RASGRP4: variants seen among roughly 807,000 people sequenced by gnomAD.
RASGRP4 encodes the protein RAS guanyl-releasing protein 4.
In RASGRP4, 52 loss-of-function variants were observed where a neutral mutation model predicts 84.4. The ratio of observed to expected loss-of-function variants is 0.62; its 90% CI spans 0.49 to 0.78. RASGRP4 has a LOEUF of 0.78. Ranked by LOEUF, RASGRP4 falls within the 30% of genes least tolerant of loss-of-function variation. RASGRP4 has a pLI of 0.00. For missense variants in RASGRP4, 760 were observed against 886.9 expected (o/e 0.86, Z 1.82); for synonymous variants, 356 against 359.1 (o/e 0.99, Z 0.10).
chr19:38,410,817 C>T, intron 16 of RASGRP4, 69 bp downstream of exon 16: 6 of 1,142,858 alleles, frequency 5.2e-6, no homozygotes, highest in Non-Finnish European at 7.7e-6. Context: ...CCAAATCTGT[C>T]CAGTCTTCCC....
At chr19:38,419,127 A>C (rs1011247980) in intron 6 of RASGRP4, among the ~76,000 whole-genome samples, 1 of 152,202 alleles carries the variant, frequency 6.6e-6, no homozygotes, top group African/African-American at 2.4e-5. Context: ...AAGGAAACAG[A>C]TCCCCACCTT....
At chr19:38,424,445 G>T (rs1014537095) in intron 1 of RASGRP4, among the ~76,000 whole-genome samples, 1 of 151,820 alleles carries the variant, frequency 6.6e-6, no homozygotes, top group Non-Finnish European at 1.5e-5. Flanking sequence ...TTTCAGACAG[G>T]GTCTTGCTCT....
chr19:38,421,898 C>A, intron 2 of RASGRP4, 71 bp downstream of exon 2: 1 of 1,378,310 alleles, frequency 7.3e-7, no homozygotes. Flanking sequence ...CCTCCAAAAA[C>A]TGAGGTGGAG....
Position 38,409,993 on chromosome 19 carries a change from G to T in RASGRP4, c.*47C>A. On this transcript the variant is annotated 3_prime_UTR_variant, in exon 17 of 17. Coordinates refer to ENST00000615439, the MANE Select transcript of RASGRP4 (RefSeq NM_170604.3). ...GCCAGAGTCTGACGGCAGGACTCAG[G>T]ACTGACTGGGGGAAGGGAGTGAGGA... is the stretch of plus-strand genomic sequence containing the variant. 1 of 1,537,642 alleles carries T rather than the reference G, an allele frequency of 6.5e-7. No homozygotes were observed. Among genetic ancestry groups the T allele is most frequent in the South Asian group, 1.2e-5 (1 of 86,512 alleles).
At position 38,412,791 on chromosome 19, in the gene RASGRP4, G is replaced by C. The variant is rs1420168515; in HGVS notation, c.1561C>G (p.Leu521Val). The change falls in exon 13 of 17, where the codon CTG becomes GTG. Residue 521 changes from leucine (L) to valine (V), a missense_variant. Leu to Val is a conservative substitution (Grantham distance 32). Transcript: ENST00000615439. The surrounding 1 kb of genome is among the most constrained non-coding windows in gnomAD (Gnocchi z 4.6). ...CTGGCCCGGAGCAGGTACCCTGTCAGCTCCTCTCTGCTGAAGGATCCTCTC... is the reference window on the plus strand; with the variant it reads ...CTGGCCCGGAGCAGGTACCCTGTCACCTCCTCTCTGCTGAAGGATCCTCTC... ...QGRGSFSREE[L>V]TGYLLRASAI... 1 of 1,606,394 alleles carries C rather than the reference G, an allele frequency of 6.2e-7. No individual in the cohort carries two copies. Among genetic ancestry groups the C allele is most frequent in the African/African-American group, 1.3e-5 (1 of 74,750 alleles).
chr19:38,410,929 C>T lies in RASGRP4; in HGVS notation c.1922G>A (p.Trp641Ter). 6.2e-7 allele frequency: 1 copy of T among 1,605,188 alleles called. No individual in the cohort carries two copies. The part of the protein sequence containing the change: ...PETGCQLRHA[W>*]TQTESPHPSW... Reference sequence around the variant, plus strand: ...AGGGTGTGGGGATTCAGTCTGGGTCCAGGCATGGCGAAGCTGGCACCCAGT... The same window carrying T: ...AGGGTGTGGGGATTCAGTCTGGGTCTAGGCATGGCGAAGCTGGCACCCAGT... The change falls in exon 16 of 17, where the codon TGG becomes TAG. Residue 641 changes from tryptophan to a stop codon, truncating the protein, a stop_gained. Coordinates refer to ENST00000615439, the MANE Select transcript of RASGRP4 (RefSeq NM_170604.3). LOFTEE classifies it high-confidence loss of function.
rs748143175 is a variant in RASGRP4 at position 38,412,644 on chromosome 19, A to C, written c.1680+28T>G. On this transcript the variant is annotated intron_variant, in intron 13 of 16. Coordinates refer to ENST00000615439, the MANE Select transcript of RASGRP4 (RefSeq NM_170604.3). The surrounding 1 kb of genome is among the most constrained non-coding windows in gnomAD (Gnocchi z 4.6). ...GCCGGCTTCAGGACAGATGGAACCTAAGGGTGGTGATGGGGTGGGGTGCTC... is the reference window on the plus strand; with the variant it reads ...GCCGGCTTCAGGACAGATGGAACCTCAGGGTGGTGATGGGGTGGGGTGCTC... 3.1e-6 allele frequency: 5 copies of C among 1,606,818 alleles called. No individual in the cohort carries two copies. The highest frequency in any genetic ancestry group is 1.3e-5 in the African/African-American group (1 of 74,824).
intron 1 of RASGRP4, among the ~76,000 whole-genome samples, chr19:38,425,600 G>A (rs1172361147): frequency 6.6e-6 from 1 of 152,184 alleles, no homozygotes; most frequent in Admixed American, 6.5e-5. Context: ...TTCCAGAACC[G>A]GCCGCACAGC....
chr19:38,411,648 C>G (rs1486145032), intron 13 of RASGRP4: 1 of 440,742 alleles, frequency 2.3e-6, no homozygotes, highest in Admixed American at 3.9e-5. Context: ...GAACCATGAT[C>G]GTACCACGGC....
chr19:38,420,731 C>T (rs570845022), intron 4 of RASGRP4, among the ~76,000 whole-genome samples, 177 bp downstream of exon 4: 55 of 151,646 alleles, frequency 3.6e-4, no homozygotes, highest in South Asian at 6.3e-4. Flanking sequence ...TTCTAAGGAA[C>T]GGAACTAAGA....
chr19:38,421,901 A>C, intron 2 of RASGRP4, 68 bp downstream of exon 2: 1 of 1,391,764 alleles, frequency 7.2e-7, no homozygotes, highest in Non-Finnish European at 9.9e-7. Flanking sequence ...CCAAAAACTG[A>C]GGTGGAGAGA....
rs546071343 is a variant in RASGRP4 at position 38,426,099 on chromosome 19, G to A, written c.-8C>T. 16 of 1,331,414 alleles carry A rather than the reference G, an allele frequency of 1.2e-5. No homozygotes were observed. In the Admixed American group the frequency reaches 1.9e-4, roughly 16 times the overall value. The allele number at this position is 1,331,414 out of a possible 1,614,324, so 82.5% of individuals were successfully genotyped here. On this transcript the variant is annotated 5_prime_UTR_variant, in exon 1 of 17. Transcript: ENST00000615439. The stretch of plus-strand genomic sequence containing the variant: ...ACTGTCTTTTCTGTTCATGCTTCCC[G>A]CGTGGGGTGAGGAGGCCGGGGGTCT...
Position 38,418,292 on chromosome 19 carries a change from G to C in RASGRP4, c.837+99C>G. On this transcript the variant is annotated intron_variant, in intron 7 of 16. Coordinates refer to ENST00000615439, the MANE Select transcript of RASGRP4 (RefSeq NM_170604.3). The surrounding 1 kb of genome is among the most constrained non-coding windows in gnomAD (Gnocchi z 4.6). ...GGGGCGGGGCCGGGAGATGCGTGACGTCACCGCCGGGATGACCCTGTGGGG... is the reference window on the plus strand; with the variant it reads ...GGGGCGGGGCCGGGAGATGCGTGACCTCACCGCCGGGATGACCCTGTGGGG... The C allele has an allele frequency of 5.4e-6, 7 of 1,286,638 alleles. No homozygotes were observed. The highest frequency in any genetic ancestry group is 7.6e-6 in the Non-Finnish European group (7 of 923,560). The allele number at this position is 1,286,638 out of a possible 1,614,324, so 79.7% of individuals were successfully genotyped here. A position where few individuals can be genotyped will look rare whatever the true frequency, so the allele number is the denominator to read the frequency against.
Position 38,411,170 on chromosome 19 carries a change from A to G in RASGRP4, c.1797T>C (p.Asp599=). 6.2e-7 allele frequency: 1 copy of G among 1,613,924 alleles called. No individual in the cohort carries two copies. The highest frequency in any genetic ancestry group is 8.5e-7 in the Non-Finnish European group (1 of 1,179,878). ...ECKKRPGAKG[D]AGPPGAPVPS... ...GGACAGGAGCTCCGGGGGGTCCTGCATCGCCCTTGGCCCCTGGCCTCTTCT... is the reference window on the plus strand; with the variant it reads ...GGACAGGAGCTCCGGGGGGTCCTGCGTCGCCCTTGGCCCCTGGCCTCTTCT... The change falls in exon 15 of 17, where the codon GAT becomes GAC. Residue 599 remains aspartate (D), a synonymous_variant. Transcript: ENST00000615439.
chr19:38,423,399 G>A (rs956698595), intron 1 of RASGRP4, among the ~76,000 whole-genome samples: 6 of 151,772 alleles, frequency 4.0e-5, no homozygotes, highest in Admixed American at 6.6e-5. Flanking sequence ...GATGGCGGGC[G>A]CCTGTAATCC....
In RASGRP4 at chr19:38,413,159, G is replaced by A; in HGVS notation, c.1416+34C>T. ...GGTTCTACAGATGTCTTCCCTCCTG[G>A]CTGCTGGCGGCCGGGCCACCCTCCC... On this transcript the variant is annotated intron_variant, in intron 11 of 16. Transcript: ENST00000615439. This position sits in a 1 kb window ranked among gnomAD's most constrained non-coding sequence, Gnocchi z 4.7. 1.3e-6 allele frequency: 2 copies of A among 1,595,698 alleles called. No homozygotes were observed. Among genetic ancestry groups the A allele is most frequent in the Non-Finnish European group, 1.7e-6 (2 of 1,164,354 alleles).
intron 16 of RASGRP4, among the ~76,000 whole-genome samples, chr19:38,410,566 T>C (rs1037803533): frequency 1.3e-5 from 2 of 151,952 alleles, no homozygotes; most frequent in African/African-American, 2.4e-5. Context: ...GCACCCGCCA[T>C]CACACTTGGC....
chr19:38,420,230 T>G lies in RASGRP4; in HGVS notation c.410A>C (p.His137Pro). 6.2e-7 allele frequency: 1 copy of G among 1,613,234 alleles called. No homozygotes were observed. Among genetic ancestry groups the G allele is most frequent in the Admixed American group, 1.7e-5 (1 of 59,874 alleles). Reference protein sequence around the residue: ...YWLMRHPEVMHQDPQLEEVIG... With the variant: ...YWLMRHPEVMPQDPQLEEVIG... ...GACTTCTTCTAGCTGGGGATCCTGG[T>G]GCATCACCTCAGGGTGTCGCATCAG... is the stretch of plus-strand genomic sequence containing the variant. The change falls in exon 5 of 17, where the codon CAC (histidine) becomes CCC (proline). Residue 137 changes from histidine (H) to proline (P), a missense_variant. Coordinates refer to ENST00000615439, the MANE Select transcript of RASGRP4 (RefSeq NM_170604.3).
Position 38,414,914 on chromosome 19 carries a change from C to A in RASGRP4, c.1164G>T (p.Glu388Asp). ...KLNNLYLRLQ[E>D]LVALQGQHPP... ...GATGCTGCCCTTGGAGGGCCACCAG[C>A]TCCTGCAGCCGCAGGTAGAGGTTGT... Residue 388 changes from glutamate to aspartate, a missense_variant, in exon 9 of 17, where the codon GAG becomes GAT. Transcript: ENST00000615439. The A allele has an allele frequency of 6.2e-7, 1 of 1,611,534 alleles. No homozygotes were observed. Among genetic ancestry groups the A allele is most frequent in the South Asian group, 1.1e-5 (1 of 90,648 alleles).
Sources: gnomAD v4.1 joint callset for allele counts (sites outside exome capture counted in the v4.1 genomes callset) on GRCh38, gnomAD v4.1.1 for gene constraint, Gnocchi (gnomAD v3.1) non-coding constraint, MANE v1.5 for transcripts, NCBI Gene and HGNC (gene_info 2026-07-23, HGNC 2026-07-21) for gene names.